FKBP5: variants seen among roughly 807,000 people sequenced by gnomAD.
FKBP5 encodes peptidyl-prolyl cis-trans isomerase FKBP5.
Under a neutral mutation model 50.5 loss-of-function variants are expected in FKBP5, and 23 were observed. The ratio of observed to expected loss-of-function variants is 0.46; its 90% CI spans 0.33 to 0.65. The LOEUF (loss-of-function observed/expected upper bound fraction) is 0.65, where lower values mean the gene tolerates loss of function less well. Among genes scored for constraint, FKBP5 ranks in the 30% least tolerant of loss-of-function variants. The pLI, the probability that FKBP5 is intolerant of heterozygous loss-of-function variation, is 0.02. For missense variants in FKBP5, 411 were observed against 553.1 expected (o/e 0.74, Z 2.58); for synonymous variants, 176 against 190.6 (o/e 0.92, Z 0.63).
At chr6:35,686,281 GTAAT>G (rs1047380488) in intron 1 of FKBP5, among the ~76,000 whole-genome samples, 1 of 151,974 alleles carries the variant, frequency 6.6e-6, no homozygotes, top group African/African-American at 2.4e-5. Flanking sequence ...AGAAAAATCA[GTAAT>G]TAAAATATCT....
At chr6:35,582,828 G>C in intron 8 of FKBP5, 1 of 985,120 alleles carries the variant, frequency 1.0e-6, no homozygotes. Flanking sequence ...AGGCAGCATT[G>C]TCCTCTCCCT....
intron 3 of FKBP5, among the ~76,000 whole-genome samples, chr6:35,627,293 C>A (rs1764029657): frequency 6.6e-6 from 1 of 152,088 alleles, no homozygotes; most frequent in Admixed American, 6.6e-5. Flanking sequence ...GGAGAAATTT[C>A]AAGCCCTTTG....
chr6:35,693,928 T>C (rs767570007), intron 2 of FKBP5, among the ~76,000 whole-genome samples: 3 of 152,170 alleles, frequency 2.0e-5, no homozygotes, highest in Non-Finnish European at 2.9e-5. Context: ...TATTGTTGTT[T>C]TATGGTCTAT....
intron 6 of FKBP5, among the ~76,000 whole-genome samples, chr6:35,591,939 A>G (rs1487101031): frequency 6.6e-6 from 1 of 152,238 alleles, no homozygotes; most frequent in African/African-American, 2.4e-5. Flanking sequence ...ACTGAAAAAA[A>G]TAACTGAGGA....
intron 1 of FKBP5, among the ~76,000 whole-genome samples, chr6:35,686,659 G>C (rs1765836123): frequency 6.6e-6 from 1 of 152,124 alleles, no homozygotes; most frequent in African/African-American, 2.4e-5. Flanking sequence ...TTTAACAGCA[G>C]TAACTTCTTC....
intron 8 of FKBP5, chr6:35,586,561 G>C (rs966530308): frequency 3.0e-4 from 292 of 983,044 alleles, no homozygotes; most frequent in Non-Finnish European, 3.5e-4. Flanking sequence ...GAGGCTAGAA[G>C]TTTGAGACCA....
At chr6:35,620,029 A>T in intron 4 of FKBP5, 103 bp downstream of exon 4, 1 of 1,400,560 alleles carries the variant, frequency 7.1e-7, no homozygotes, top group Non-Finnish European at 9.9e-7. Context: ...GTTGGATCTG[A>T]TTCTCTATAG....
At chr6:35,654,867 G>A (rs544930881) in intron 1 of FKBP5, among the ~76,000 whole-genome samples, 10 of 152,318 alleles carry the variant, frequency 6.6e-5, no homozygotes, top group African/African-American at 2.4e-4. Context: ...TAGCTCAAAG[G>A]TACATCTGAT....
At chr6:35,603,849 G>GCA (rs1763224693) in intron 5 of FKBP5, among the ~76,000 whole-genome samples, 2 of 152,150 alleles carry the variant, frequency 1.3e-5, no homozygotes, top group African/African-American at 4.8e-5. Context: ...GGGACTACAG[G>GCA]CCCGCACCAC....
At chr6:35,720,267 T>G (rs1319446149) in intron 2 of FKBP5, 1 of 152,548 alleles carries the variant, frequency 6.6e-6, no homozygotes, top group Non-Finnish European at 1.5e-5. Flanking sequence ...GGGGTCTCTG[T>G]CCTGATAACT....
chr6:35,578,224 C>T lies in FKBP5; in HGVS notation c.1027-991G>A, dbSNP rs188508079. ...TTTTTGAGGCAGGGTCTCACTCTGT[C>T]GCCCAGGCTGGAGGGCAGTGGCTCA... On this transcript the variant is annotated intron_variant, in intron 9 of 10. Coordinates refer to ENST00000357266, the MANE Select transcript of FKBP5 (RefSeq NM_004117.4). Among the ~76,000 whole-genome samples, 235 of 151,968 alleles carry T rather than the reference C, an allele frequency of 1.5e-3. 2 individuals carry two copies. Among genetic ancestry groups the T allele is most frequent in the East Asian group, 0.014 (73 of 5,158 alleles).
At chr6:35,605,489 A>C (rs1194037443) in intron 5 of FKBP5, among the ~76,000 whole-genome samples, 5 of 134,556 alleles carry the variant, frequency 3.7e-5, no homozygotes, top group Non-Finnish European at 6.1e-5. Context: ...TGTATCACCC[A>C]GGCTCAAGTG....
At chr6:35,628,025 G>A (rs576364514) in intron 3 of FKBP5, among the ~76,000 whole-genome samples, 57 of 149,432 alleles carry the variant, frequency 3.8e-4, no homozygotes, top group African/African-American at 1.4e-3. Context: ...CGCCCGCCTC[G>A]GCCTCCCAAA....
chr6:35,582,756 A>G, intron 8 of FKBP5: 1 of 985,286 alleles, frequency 1.0e-6, no homozygotes, highest in Non-Finnish European at 1.2e-6. Context: ...TAAAGTCCTC[A>G]CCAGTTTCAG....
chr6:35,692,019 T>C (rs1040105225), upstream of FKBP5, among the ~76,000 whole-genome samples: 1 of 152,196 alleles, frequency 6.6e-6, no homozygotes, highest in Non-Finnish European at 1.5e-5. Context: ...ATATGGCCAG[T>C]CCTGCCTGTC....
chr6:35,697,695 TAAC>T (rs1424733699), intron 2 of FKBP5, among the ~76,000 whole-genome samples: 4 of 152,232 alleles, frequency 2.6e-5, no homozygotes, highest in African/African-American at 9.6e-5. Context: ...GGAAGACAGG[TAAC>T]AATACATAGA....
chr6:35,576,859 C>T (rs1451588157), intron 10 of FKBP5, 135 bp downstream of exon 10: 6 of 1,099,164 alleles, frequency 5.5e-6, no homozygotes, highest in African/African-American at 4.7e-5. Context: ...GGATCCAAAG[C>T]AGCCTCAGAT....
intron 8 of FKBP5, chr6:35,586,018 T>G: frequency 1.0e-6 from 1 of 985,404 alleles, no homozygotes; most frequent in Non-Finnish European, 1.2e-6. Flanking sequence ...AGTACACTTA[T>G]GCCTCACTGC....
intron 5 of FKBP5, among the ~76,000 whole-genome samples, chr6:35,603,740 G>A (rs926287589): frequency 1.3e-5 from 2 of 151,944 alleles, no homozygotes; most frequent in African/African-American, 4.8e-5. Flanking sequence ...CCAGGCTGGA[G>A]TGTAGTGGCG....
Sources: gnomAD v4.1 joint callset for allele counts (sites outside exome capture counted in the v4.1 genomes callset) on GRCh38, gnomAD v4.1.1 for gene constraint, MANE v1.5 for transcripts, NCBI Gene and HGNC (gene_info 2026-07-23, HGNC 2026-07-21) for gene names.